The following SIK3 variants were observed in gnomAD, a reference collection of about 807,000 sequenced individuals.
SIK3 encodes SIK family kinase 3.
In SIK3, 28 loss-of-function variants were observed where a neutral mutation model predicts 144.2. The observed-to-expected ratio is 0.19, with a 90% CI of 0.14 to 0.27. SIK3 has a LOEUF of 0.27. SIK3 is among the 10% of genes least tolerant of loss of function. The probability of loss-of-function intolerance (pLI) is 1.00; values close to 1 mark genes in which losing one functional copy is unlikely to be tolerated. For synonymous variants in SIK3, 686 were observed against 676.3 expected (o/e 1.01, Z -0.22); for missense variants, 1,319 against 1,776.0 (o/e 0.74, Z 4.62).
At chr11:116,897,096 T>A (rs143638106) in intron 5 of SIK3, 97 bp downstream of exon 5, 1 of 1,262,152 alleles carries the variant, frequency 7.9e-7, no homozygotes, top group Admixed American at 2.4e-5. Context: ...AGGATCTCAA[T>A]TCATGTTGCA....
intron 1 of SIK3, among the ~76,000 whole-genome samples, chr11:116,992,326 C>CCA (rs1555120238): frequency 6.0e-4 from 79 of 131,378 alleles, no homozygotes; most frequent in Middle Eastern, 4.0e-3. Context: ...CCCCCCCCCC[C>CCA]AAAAAAAAAC....
At chr11:116,911,196 T>C (rs1946325646) in intron 4 of SIK3, among the ~76,000 whole-genome samples, 1 of 152,136 alleles carries the variant, frequency 6.6e-6, no homozygotes, top group African/African-American at 2.4e-5. Context: ...ATGGTACATC[T>C]ACTTGATGTG....
intron 1 of SIK3, among the ~76,000 whole-genome samples, chr11:116,958,916 A>G (rs11602037): frequency 6.6e-6 from 1 of 152,224 alleles, no homozygotes; most frequent in African/African-American, 2.4e-5. Context: ...CATGGTACAC[A>G]ATGTCTCTTC....
chr11:117,065,656 T>G lies in SIK3; in HGVS notation c.273+32487A>C, dbSNP rs1166970464. Among the ~76,000 whole-genome samples the G allele has an allele frequency of 2.1e-5, 3 of 144,114 alleles. No homozygotes were observed. The Admixed American group carries it at 2.1e-4, about 10-fold the overall frequency. The allele number at this position is 144,114 out of a possible 152,430, so 94.5% of individuals were successfully genotyped here. A position where few individuals can be genotyped will look rare whatever the true frequency, so the allele number is the denominator to read the frequency against. ...TCATAAATTGATTTTTTTTTTTTTT[T>G]GACACAGAGTCTCACACTGTTGGAG... On this transcript the variant is annotated intron_variant, in intron 1 of 24. Coordinates refer to ENST00000445177, the MANE Select transcript of SIK3 (RefSeq NM_001366686.3).
chr11:116,994,327 T>A (rs1472284747), intron 1 of SIK3, among the ~76,000 whole-genome samples: 1 of 152,108 alleles, frequency 6.6e-6, no homozygotes, highest in African/African-American at 2.4e-5. Flanking sequence ...AGGAAAAAAA[T>A]ACATCGAAGG....
chr11:117,015,096 ATTTT>A (rs1375166996), intron 1 of SIK3, among the ~76,000 whole-genome samples: 3 of 152,110 alleles, frequency 2.0e-5, no homozygotes, highest in Non-Finnish European at 4.4e-5. Context: ...TTTAAAAAAA[ATTTT>A]TTTAAGAACT....
chr11:117,046,288 T>G (rs538933742), intron 1 of SIK3, among the ~76,000 whole-genome samples: 1 of 152,290 alleles, frequency 6.6e-6, no homozygotes, highest in East Asian at 1.9e-4. Context: ...AGCCAAACCA[T>G]GTATCTATGC....
intron 1 of SIK3, 77 bp from the exon 2 acceptor site, chr11:116,957,141 A>C: frequency 1.5e-6 from 1 of 679,714 alleles, no homozygotes; most frequent in South Asian, 2.4e-5. Flanking sequence ...TTCACTTTAA[A>C]ACATTACGTT....
chr11:116,922,147 A>G (rs1021210553), intron 4 of SIK3, among the ~76,000 whole-genome samples: 6 of 152,224 alleles, frequency 3.9e-5, no homozygotes, highest in Non-Finnish European at 8.8e-5. Context: ...TCCAGGGAAC[A>G]CTTATTCTCT....
At chr11:117,008,002 G>C (rs559836481) in intron 1 of SIK3, among the ~76,000 whole-genome samples, 9 of 146,106 alleles carry the variant, frequency 6.2e-5, no homozygotes, top group Non-Finnish European at 1.2e-4. Flanking sequence ...CTTGAACCCG[G>C]GTAGCAGAAG....
intron 3 of SIK3, among the ~76,000 whole-genome samples, chr11:116,941,629 A>G (rs909712841): frequency 1.3e-5 from 2 of 152,234 alleles, no homozygotes; most frequent in Non-Finnish European, 2.9e-5. Flanking sequence ...TGAGAAGTTC[A>G]GGGTTCCATA....
At chr11:116,965,430 G>A (rs1056138970) in intron 1 of SIK3, among the ~76,000 whole-genome samples, 7 of 151,768 alleles carry the variant, frequency 4.6e-5, no homozygotes, top group East Asian at 3.9e-4. Flanking sequence ...AAAAATAAAG[G>A]TCAATCAGGA....
At chr11:117,026,094 A>G (rs1200101935) in intron 1 of SIK3, among the ~76,000 whole-genome samples, 1 of 152,236 alleles carries the variant, frequency 6.6e-6, no homozygotes, top group Non-Finnish European at 1.5e-5. Flanking sequence ...TAAAGGATAT[A>G]CAGTCGTGCA....
chr11:116,911,909 G>A (rs1946367716), intron 4 of SIK3, among the ~76,000 whole-genome samples: 1 of 152,130 alleles, frequency 6.6e-6, no homozygotes, highest in Non-Finnish European at 1.5e-5. Context: ...TTAAAATGAT[G>A]AATATTCTAA....
At chr11:117,038,359 C>CTTT (rs372851873) in intron 1 of SIK3, among the ~76,000 whole-genome samples, 21,890 of 142,024 alleles carry the variant, frequency 0.15, 1,808 homozygotes, top group Admixed American at 0.2. Context: ...CTACAAGATA[C>CTTT]TTTTTTTTTT....
rs117892218 is a variant in SIK3 at position 116,963,988 on chromosome 11, G to A, written c.274-6924C>T. 1.6e-3 allele frequency among the ~76,000 whole-genome samples: 249 copies of A among 152,286 alleles called. 1 individual carries two copies. The highest frequency in any genetic ancestry group is 4.1e-3 in the Admixed American group (62 of 15,286). On this transcript the variant is annotated intron_variant, in intron 1 of 24. Transcript: ENST00000445177. ...GGCCATGATTAATAACGTGCCACAT[G>A]ACCAAGGTCAGGATGTAGGCTGGCC...
intron 1 of SIK3, chr11:117,015,938 T>A (rs1028694171): frequency 3.3e-5 from 5 of 152,108 alleles, no homozygotes; most frequent in African/African-American, 1.2e-4. Context: ...TTATTAACTT[T>A]AGTGTCACTA....
intron 1 of SIK3, among the ~76,000 whole-genome samples, chr11:117,001,884 T>C (rs1950865297): frequency 6.6e-6 from 1 of 152,194 alleles, no homozygotes; most frequent in Non-Finnish European, 1.5e-5. Flanking sequence ...AAAAGCAAAC[T>C]TGATTCTATC....
In SIK3 at chr11:116,867,670, CT is replaced by C. The variant is rs1712546341; in HGVS notation, c.1952+275del. On this transcript the variant is annotated intron_variant, in intron 15 of 24. Coordinates refer to ENST00000445177, the MANE Select transcript of SIK3 (RefSeq NM_001366686.3). This position sits in a 1 kb window ranked among gnomAD's most constrained non-coding sequence, Gnocchi z 4.1. ...TTGCAGGTCTCAAGTTCAATTTTAT[CT>C]ATGAATCAACATCTAGAATCATGGG... 3.2e-6 allele frequency: 1 copy of C among 315,892 alleles called. No homozygotes were observed. The highest frequency in any genetic ancestry group is 2.1e-5 in the African/African-American group (1 of 46,822). The allele number at this position is 315,892 out of a possible 1,614,324, so 19.6% of individuals were successfully genotyped here.
Sources: allele counts gnomAD v4.1 joint callset (sites outside exome capture counted in the v4.1 genomes callset), GRCh38; gene constraint gnomAD v4.1.1; non-coding constraint Gnocchi (gnomAD v3.1); transcripts MANE v1.5; gene names NCBI Gene and HGNC (gene_info 2026-07-23, HGNC 2026-07-21).